NKAIN3: variants seen among roughly 807,000 people sequenced by gnomAD.
NKAIN3 encodes the protein sodium/potassium-transporting ATPase subunit beta-1-interacting protein 3.
NKAIN3 carries 25 observed loss-of-function variants against 30.2 expected under a neutral mutation model. The observed-to-expected ratio is 0.83, with a 90% CI of 0.60 to 1.16. NKAIN3 has a LOEUF of 1.16. Among genes scored for constraint, NKAIN3 ranks in the 50% most tolerant of loss-of-function variants. NKAIN3 has a pLI of 0.00. For missense variants in NKAIN3, 225 were observed against 254.1 expected (o/e 0.89, Z 0.78); for synonymous variants, 91 against 89.6 (o/e 1.02, Z -0.09).
intron 4 of NKAIN3, among the ~76,000 whole-genome samples, chr8:62,803,483 T>C (rs1221577061): frequency 6.6e-6 from 1 of 151,980 alleles, no homozygotes; most frequent in Admixed American, 6.6e-5. Flanking sequence ...CTCAACTACA[T>C]GGAAACTGAA....
chr8:62,894,148 T>A (rs1821367867), intron 4 of NKAIN3, among the ~76,000 whole-genome samples: 2 of 152,282 alleles, frequency 1.3e-5, no homozygotes, highest in South Asian at 4.1e-4. Context: ...GTGGCAAAAA[T>A]GCTGGAGTTT....
chr8:62,820,571 C>T (rs900850554), intron 4 of NKAIN3, among the ~76,000 whole-genome samples: 2 of 152,108 alleles, frequency 1.3e-5, no homozygotes, highest in African/African-American at 2.4e-5. Flanking sequence ...TGGCTGGAGG[C>T]TAGCTGTCCT....
At chr8:62,345,616 C>CATATGTGTATATAT (rs1815970150) in intron 1 of NKAIN3, among the ~76,000 whole-genome samples, 1 of 139,784 alleles carries the variant, frequency 7.2e-6, no homozygotes, top group African/African-American at 2.9e-5. Context: ...TATGTATATA[C>CATATGTGTATATAT]ACACATATAT....
In NKAIN3 at chr8:62,419,602, A is replaced by G. The variant is rs551574578; in HGVS notation, c.55-159937A>G. ...ACATTCAGTAGTGACAAATAGATAA[A>G]TCTTGTAGAGAAGGAGTCTGTGTTA... On this transcript the variant is annotated intron_variant, in intron 1 of 6. Coordinates refer to ENST00000623646, the MANE Select transcript of NKAIN3 (RefSeq NM_001304533.3). 8.5e-5 allele frequency among the ~76,000 whole-genome samples: 13 copies of G among 152,282 alleles called. No individual in the cohort carries two copies. The East Asian group carries it at 2.3e-3, about 27-fold the overall frequency.
chr8:62,288,136 A>T (rs914657382), intron 1 of NKAIN3, among the ~76,000 whole-genome samples: 1 of 152,118 alleles, frequency 6.6e-6, no homozygotes, highest in African/African-American at 2.4e-5. Flanking sequence ...TGGTAGAATC[A>T]CATTCTGCCT....
At chr8:62,932,995 A>AAC (rs59854103) in intron 5 of NKAIN3, among the ~76,000 whole-genome samples, 12,949 of 141,802 alleles carry the variant, frequency 0.091, 581 homozygotes, top group South Asian at 0.15. Flanking sequence ...TCACTCAATG[A>AAC]ACACACACAC....
chr8:62,373,993 G>T (rs1585736043), intron 1 of NKAIN3, among the ~76,000 whole-genome samples: 1 of 151,240 alleles, frequency 6.6e-6, no homozygotes, highest in Non-Finnish European at 1.5e-5. Flanking sequence ...GGCGCCTGTA[G>T]TCCCAGCTAC....
At chr8:62,750,620 C>T (rs572679286) in intron 4 of NKAIN3, among the ~76,000 whole-genome samples, 1 of 152,142 alleles carries the variant, frequency 6.6e-6, no homozygotes, top group South Asian at 2.1e-4. Context: ...CATCCTCCCC[C>T]GGCTCTCAGG....
At chr8:62,800,363 C>T (rs1486840881) in intron 4 of NKAIN3, among the ~76,000 whole-genome samples, 1 of 152,134 alleles carries the variant, frequency 6.6e-6, no homozygotes, top group Non-Finnish European at 1.5e-5. Flanking sequence ...GTTTGTGATA[C>T]AAAGTATTCT....
chr8:62,548,457 G>A (rs142979597), intron 1 of NKAIN3, among the ~76,000 whole-genome samples: 6 of 152,050 alleles, frequency 3.9e-5, no homozygotes, highest in African/African-American at 9.7e-5. Flanking sequence ...ACAGAGCCAC[G>A]GCTCCCCCTG....
chr8:62,702,414 G>A (rs1814368347), intron 3 of NKAIN3, among the ~76,000 whole-genome samples: 1 of 152,118 alleles, frequency 6.6e-6, no homozygotes, highest in Admixed American at 6.5e-5. Flanking sequence ...ATTTTAATAT[G>A]GAGATTACGG....
At chr8:62,924,967 C>T (rs187205551) in intron 5 of NKAIN3, among the ~76,000 whole-genome samples, 7 of 152,254 alleles carry the variant, frequency 4.6e-5, no homozygotes, top group East Asian at 1.9e-4. Flanking sequence ...CCTACTAACA[C>T]CATCACGCTG....
At chr8:62,369,072 C>T (rs553008495) in intron 1 of NKAIN3, among the ~76,000 whole-genome samples, 3 of 152,184 alleles carry the variant, frequency 2.0e-5, no homozygotes, top group African/African-American at 7.2e-5. Context: ...GTCACCTTTT[C>T]TGTGCTGGTA....
At chr8:62,653,843 C>T (rs1454662167) in intron 3 of NKAIN3, among the ~76,000 whole-genome samples, 1 of 152,074 alleles carries the variant, frequency 6.6e-6, no homozygotes, top group Non-Finnish European at 1.5e-5. Context: ...AAACAAGAAA[C>T]CTTGTGATAT....
At chr8:62,407,980 C>T (rs1056582478) in intron 1 of NKAIN3, among the ~76,000 whole-genome samples, 3 of 152,156 alleles carry the variant, frequency 2.0e-5, no homozygotes, top group Admixed American at 6.5e-5. Context: ...GAGTTATGCT[C>T]GCACAGTTAT....
chr8:62,550,414 C>T (rs1158166835), intron 1 of NKAIN3, among the ~76,000 whole-genome samples: 2 of 152,084 alleles, frequency 1.3e-5, no homozygotes, highest in Admixed American at 6.6e-5. Context: ...CGCGTGTGCG[C>T]GTGTGTGTGG....
intron 1 of NKAIN3, among the ~76,000 whole-genome samples, chr8:62,321,949 G>T (rs1046611384): frequency 6.6e-6 from 1 of 152,198 alleles, no homozygotes. Context: ...GAGGCAGGCA[G>T]ACCTCCTTGA....
chr8:62,575,703 G>A (rs766424363), intron 1 of NKAIN3, among the ~76,000 whole-genome samples: 1 of 152,052 alleles, frequency 6.6e-6, no homozygotes, highest in African/African-American at 2.4e-5. Context: ...CACATTACCT[G>A]ACTTCAAATT....
intron 1 of NKAIN3, among the ~76,000 whole-genome samples, chr8:62,319,656 G>T (rs182385025): frequency 1.4e-3 from 210 of 152,148 alleles, no homozygotes; most frequent in African/African-American, 4.8e-3. Flanking sequence ...GTGAGTTTCT[G>T]AATCCTGAGT....
Sources: allele counts gnomAD v4.1 joint callset (sites outside exome capture counted in the v4.1 genomes callset), GRCh38; gene constraint gnomAD v4.1.1; transcripts MANE v1.5; gene names NCBI Gene and HGNC (gene_info 2026-07-23, HGNC 2026-07-21).